CYP4F2: variants seen among roughly 807,000 people sequenced by gnomAD.
The protein encoded by CYP4F2 is cytochrome P450 family 4 subfamily F member 2.
In CYP4F2, 58 loss-of-function variants were observed where a neutral mutation model predicts 58.9. The ratio of observed to expected loss-of-function variants is 0.98; its 90% CI spans 0.80 to 1.23. CYP4F2 has a LOEUF of 1.23. Among genes scored for constraint, CYP4F2 ranks in the 50% most tolerant of loss-of-function variants. The probability of loss-of-function intolerance (pLI) is 0.00; values close to 1 mark genes in which losing one functional copy is unlikely to be tolerated. For missense variants in CYP4F2, 616 were observed against 685.6 expected (o/e 0.90, Z 1.13); for synonymous variants, 287 against 261.1 (o/e 1.10, Z -0.95).
chr19:15,884,599 C>A (rs3093176), intron 9 of CYP4F2, among the ~76,000 whole-genome samples: 1,931 of 152,280 alleles, frequency 0.013, 32 homozygotes, highest in African/African-American at 0.043. Flanking sequence ...TATTTCAAAT[C>A]TATGTGCATC....
chr19:15,897,812 G>T, intron 1 of CYP4F2, 200 bp from the exon 2 acceptor site: 1 of 596,306 alleles, frequency 1.7e-6, no homozygotes, highest in Non-Finnish European at 2.9e-6. Context: ...CAGTTCCCTA[G>T]TAAGCACTTA....
chr19:15,884,916 T>A (rs1359573499), intron 9 of CYP4F2, among the ~76,000 whole-genome samples: 2 of 152,140 alleles, frequency 1.3e-5, no homozygotes, highest in African/African-American at 4.8e-5. Context: ...CCTACACTGC[T>A]CAAACACTTC....
At chr19:15,897,319 C>G in intron 2 of CYP4F2, 95 bp downstream of exon 2, 86 of 656,070 alleles carry the variant, frequency 1.3e-4, no homozygotes, top group Non-Finnish European at 2.0e-4. Context: ...CACCCCAGAT[C>G]CCAGCCCACC....
At chr19:15,890,063 A>G (rs2089407409) in intron 6 of CYP4F2, among the ~76,000 whole-genome samples, 3 of 152,244 alleles carry the variant, frequency 2.0e-5, no homozygotes, top group African/African-American at 7.2e-5. Context: ...GCCTCTTTGC[A>G]TCAGTGTTAA....
At position 15,897,597 on chromosome 19, in the gene CYP4F2, G is replaced by A. The variant is rs1368461658; in HGVS notation, c.15C>T (p.Ser5=). The change falls in exon 2 of 13, where the codon AGC becomes AGT. Residue 5 remains serine (S), a synonymous_variant. Transcript: ENST00000221700. MSQL[S]LSWLGLWPVA... ...CTGGCCAGAGGCCCAGCCAGGACAG[G>A]CTCAGCTGGGACATCCTGCAGGGCA... is the stretch of plus-strand genomic sequence containing the variant. 11 of 1,613,544 alleles carry A rather than the reference G, an allele frequency of 6.8e-6. No homozygotes were observed. In the Admixed American group the frequency reaches 1.3e-4, roughly 20 times the overall value.
At chr19:15,882,037 G>A (rs1423323822) in intron 9 of CYP4F2, among the ~76,000 whole-genome samples, 1 of 152,130 alleles carries the variant, frequency 6.6e-6, no homozygotes, top group Admixed American at 6.5e-5. Flanking sequence ...AAGGTCAGGA[G>A]TTCAAGACCA....
In CYP4F2 at chr19:15,897,626, G is replaced by A. The variant is rs774479706; in HGVS notation, c.-1-14C>T. 18 of 1,612,378 alleles carry A rather than the reference G, an allele frequency of 1.1e-5. No individual in the cohort carries two copies. The highest frequency in any genetic ancestry group is 2.7e-5 in the African/African-American group (2 of 74,968). ...AGCTGGGACATCCTGCAGGGCAGAC[G>A]GGATGGACGGTGAGATCCTGAGGCC... On this transcript the variant is annotated splice_polypyrimidine_tract_variant and intron_variant, in intron 1 of 12. Transcript: ENST00000221700.
chr19:15,886,180 C>T (rs2089378273), intron 8 of CYP4F2, 62 bp downstream of exon 8: 1 of 1,611,894 alleles, frequency 6.2e-7, no homozygotes, highest in Non-Finnish European at 8.5e-7. Context: ...GGGGTCTACC[C>T]ACCCTGTTCC....
chr19:15,892,192 C>T, intron 5 of CYP4F2, 117 bp downstream of exon 5: 1 of 1,510,108 alleles, frequency 6.6e-7, no homozygotes, highest in Admixed American at 2.0e-5. Flanking sequence ...AACCAAGGCT[C>T]AGTGAGAAAG....
intron 9 of CYP4F2, among the ~76,000 whole-genome samples, chr19:15,884,863 C>A: frequency 6.6e-6 from 1 of 152,146 alleles, no homozygotes; most frequent in East Asian, 1.9e-4. Context: ...GCCCTCCACA[C>A]TAGCCCTAGA....
At chr19:15,884,043 A>T (rs1426254165) in intron 9 of CYP4F2, among the ~76,000 whole-genome samples, 1 of 152,130 alleles carries the variant, frequency 6.6e-6, no homozygotes, top group Non-Finnish European at 1.5e-5. Context: ...TGGGCGACAG[A>T]ACAAGACTCT....
In CYP4F2 at chr19:15,892,559, A is replaced by C; in HGVS notation, c.367T>G (p.Phe123Val). 2 of 1,614,110 alleles carry C rather than the reference A, an allele frequency of 1.2e-6. No individual in the cohort carries two copies. Among genetic ancestry groups the C allele is most frequent in the Non-Finnish European group, 1.7e-6 (2 of 1,180,006 alleles). The change falls in exon 4 of 13, where the codon TTC (phenylalanine) becomes GTC (valine). Residue 123 changes from phenylalanine to valine, a missense_variant. By Grantham distance (50) the Phe-to-Val change is conservative (BLOSUM62 -1). Coordinates refer to ENST00000221700, the MANE Select transcript of CYP4F2 (RefSeq NM_001082.5). ...ASAAIAPKDK[F>V]FYSFLEPWLG... ...CAGGGCTCCAGGAAGCTGTAGAAGA[A>C]CTTGTCCTTTGGTGCAATGGCAGCT...
At chr19:15,891,388 T>C (rs2145010794) in intron 5 of CYP4F2, among the ~76,000 whole-genome samples, 1 of 152,236 alleles carries the variant, frequency 6.6e-6, no homozygotes, top group Non-Finnish European at 1.5e-5. Context: ...CTATCCTTTG[T>C]CTCTGACCCA....
chr19:15,889,765 A>G (rs1213245781), intron 6 of CYP4F2, 72 bp from the exon 7 acceptor site: 10 of 1,579,248 alleles, frequency 6.3e-6, no homozygotes, highest in Non-Finnish European at 8.6e-6. Flanking sequence ...TCCCACCAGC[A>G]GCCAGGATCT....
At chr19:15,886,612 A>C (rs2074901) in intron 7 of CYP4F2, 53,723 of 381,880 alleles carry the variant, frequency 0.14, 4,349 homozygotes, top group Middle Eastern at 0.18. Context: ...CAGGAGAATT[A>C]AATGGCAATT....
rs1484845175 is a variant in CYP4F2, at chr19:15,889,631, T to C, written c.710A>G (p.His237Arg). Residue 237 changes from histidine to arginine, a missense_variant, in exon 7 of 13, where the codon CAT becomes CGT. Physicochemically the swap from His to Arg is conservative, Grantham distance 29. Transcript: ENST00000221700. ...GAAGTCAATATGCAGGAGGATCTCA[T>C]GGTGTCTTTTTGATACAAGGGCACT... The part of the protein sequence containing the change: ...ELSALVSKRH[H>R]EILLHIDFLY... 3 of 1,614,150 alleles carry C rather than the reference T, an allele frequency of 1.9e-6. No homozygotes were observed. Among genetic ancestry groups the C allele is most frequent in the South Asian group, 2.2e-5 (2 of 91,080 alleles).
rs748177607 is a variant in CYP4F2, at chr19:15,879,750, G to A, written c.1249+14C>T. The A allele has an allele frequency of 4.3e-6, 7 of 1,613,960 alleles. No individual in the cohort carries two copies. The South Asian group carries it at 7.7e-5, about 18-fold the overall frequency. On this transcript the variant is annotated intron_variant, in intron 10 of 12. Coordinates refer to ENST00000221700, the MANE Select transcript of CYP4F2 (RefSeq NM_001082.5). Reference sequence around the variant, plus strand: ...TCCTACCCAGGAGACTCCTCCCCGTGAGGCTGTGAGCACCTTTGGGGATGA... The same window carrying A: ...TCCTACCCAGGAGACTCCTCCCCGTAAGGCTGTGAGCACCTTTGGGGATGA...
rs530205781 is a variant in CYP4F2, at chr19:15,879,600, G to A, written c.1314+4C>T. 68 of 1,614,020 alleles carry A rather than the reference G, an allele frequency of 4.2e-5. No individual in the cohort carries two copies. The highest frequency in any genetic ancestry group is 2.2e-4 in the Admixed American group (13 of 59,996). ...GGACAAAAACAGAGAGAGGGGCCCCGCACCTCAGGGTCCGGCCACACAGCT... is the reference window on the plus strand; with the variant it reads ...GGACAAAAACAGAGAGAGGGGCCCCACACCTCAGGGTCCGGCCACACAGCT... On this transcript the variant is annotated splice_donor_region_variant and intron_variant, in intron 11 of 12. Transcript: ENST00000221700.
intron 6 of CYP4F2, among the ~76,000 whole-genome samples, chr19:15,889,945 TTC>T (rs1488266103): frequency 6.6e-6 from 1 of 152,124 alleles, no homozygotes; most frequent in African/African-American, 2.4e-5. Context: ...TATTCTCCTA[TTC>T]TCTCTTTCCC....
Sources: gnomAD v4.1 joint callset for allele counts (sites outside exome capture counted in the v4.1 genomes callset) on GRCh38, gnomAD v4.1.1 for gene constraint, MANE v1.5 for transcripts, NCBI Gene and HGNC (gene_info 2026-07-23, HGNC 2026-07-21) for gene names.